The following RFX7 variants were observed in gnomAD, a reference collection of about 807,000 sequenced individuals.
RFX7 encodes the protein DNA-binding protein RFX7.
Under a neutral mutation model 111.8 loss-of-function variants are expected in RFX7, and 26 were observed. The observed-to-expected ratio is 0.23, with a 90% confidence interval of 0.17 to 0.32. The LOEUF (loss-of-function observed/expected upper bound fraction) is 0.32, where lower values mean the gene tolerates loss of function less well. Ranked by LOEUF, RFX7 falls within the 10% of genes least tolerant of loss-of-function variation. The probability of loss-of-function intolerance (pLI) is 1.00; values close to 1 mark genes in which losing one functional copy is unlikely to be tolerated. For synonymous variants in RFX7, 624 were observed against 624.4 expected, an observed-to-expected ratio of 1.00 and a Z score of 0.01; for missense variants, 1,573 against 1,772.9, an observed-to-expected ratio of 0.89 and a Z score of 2.02.
intron 2 of RFX7, among the ~76,000 whole-genome samples, chr15:56,241,590 A>AAC (rs1369360718): frequency 1.6e-4 from 24 of 152,152 alleles, no homozygotes; most frequent in Admixed American, 7.2e-4. Context: ...AGAGGTTAAA[A>AAC]ACACACACAC....
Position 56,093,333 on chromosome 15 carries a change from A to G in RFX7, c.*12T>C. ...CTTTAGATACAGTGTGCTACATGTT[A>G]TAAAACACAATTTAACCCAACATTT... On this transcript the variant is annotated 3_prime_UTR_variant, in exon 10 of 10. Coordinates refer to ENST00000559447, the MANE Select transcript of RFX7 (RefSeq NM_022841.7). 6.3e-7 allele frequency: 1 copy of G among 1,590,676 alleles called. No homozygotes were observed. The highest frequency in any genetic ancestry group is 8.6e-7 in the Non-Finnish European group (1 of 1,168,736).
At chr15:56,152,348 A>G (rs535215686) in intron 3 of RFX7, among the ~76,000 whole-genome samples, 2 of 152,322 alleles carry the variant, frequency 1.3e-5, no homozygotes, top group South Asian at 2.1e-4. Context: ...ATCATAACAT[A>G]TAGTCTCCCA....
intron 5 of RFX7, among the ~76,000 whole-genome samples, chr15:56,111,134 CG>C (rs2041924254): frequency 7.1e-6 from 1 of 141,672 alleles, no homozygotes; most frequent in African/African-American, 2.6e-5. Context: ...GCCACCACCC[CG>C]TCTGGGAGGT....
At chr15:56,169,560 A>G (rs1331222350) in intron 3 of RFX7, among the ~76,000 whole-genome samples, 1 of 152,182 alleles carries the variant, frequency 6.6e-6, no homozygotes, top group Non-Finnish European at 1.5e-5. Flanking sequence ...AATAGGTACT[A>G]TTATCCTTCT....
rs536725294 is a variant in RFX7 at position 56,138,398 on chromosome 15, T to C, written c.401+4380A>G. ...CCTTCTTTGTCTCTTTTGATCTTTG[T>C]TGGTTTAAAGTCTGTTTTATCAGAG... On this transcript the variant is annotated intron_variant, in intron 5 of 9. Transcript: ENST00000559447. 1.5e-3 allele frequency among the ~76,000 whole-genome samples: 224 copies of C among 150,840 alleles called. 2 individuals carry two copies. The highest frequency in any genetic ancestry group is 5.2e-3 in the African/African-American group (215 of 41,148).
At chr15:56,187,742 G>A (rs1401517658) in intron 2 of RFX7, among the ~76,000 whole-genome samples, 25 of 152,166 alleles carry the variant, frequency 1.6e-4, no homozygotes, top group African/African-American at 6.0e-4. Context: ...GCTGGAAGGT[G>A]GAAGGATTTG....
intron 5 of RFX7, among the ~76,000 whole-genome samples, chr15:56,141,970 CA>C (rs2042405930): frequency 6.6e-6 from 1 of 152,014 alleles, no homozygotes; most frequent in South Asian, 2.1e-4. Context: ...CCAATAATCT[CA>C]ATAAGTACAA....
chr15:56,243,048 C>A, intron 2 of RFX7, 77 bp downstream of exon 2: 2 of 643,656 alleles, frequency 3.1e-6, no homozygotes, highest in East Asian at 1.3e-4. Flanking sequence ...CCGCTCCCCC[C>A]GCCCGCCGCC....
At chr15:56,150,044 CG>C (rs377545008) in intron 3 of RFX7, among the ~76,000 whole-genome samples, 36 of 41,740 alleles carry the variant, frequency 8.6e-4, no homozygotes, top group Middle Eastern at 0.011. Context: ...CGGGGTGGGG[CG>C]GGGGGGTCGG....
At chr15:56,218,004 G>GA (rs541647545) in intron 2 of RFX7, among the ~76,000 whole-genome samples, 29 of 151,180 alleles carry the variant, frequency 1.9e-4, no homozygotes, top group Non-Finnish European at 3.4e-4. Context: ...CACTCAGGGG[G>GA]AAAAAAAAGA....
Position 56,093,975 on chromosome 15 carries a change from A to G in RFX7, c.3753T>C (p.Asn1251=), listed in dbSNP as rs2041634433. The G allele has an allele frequency of 2.5e-6, 4 of 1,613,898 alleles. No homozygotes were observed. The highest frequency in any genetic ancestry group is 3.4e-6 in the Non-Finnish European group (4 of 1,179,866). Residue 1251 remains asparagine, a synonymous_variant, in exon 10 of 10, where the codon AAT becomes AAC. Coordinates refer to ENST00000559447, the MANE Select transcript of RFX7 (RefSeq NM_022841.7). The part of the protein sequence containing the change: ...QKQANSKKIT[N]VLLSKLDSDN... Reference sequence around the variant, plus strand: ...CGGAATCAAGTTTACTCAACAAAACATTGGTTATTTTTTTACTGTTTGCTT... The same window carrying G: ...CGGAATCAAGTTTACTCAACAAAACGTTGGTTATTTTTTTACTGTTTGCTT...
intron 4 of RFX7, among the ~76,000 whole-genome samples, chr15:56,143,636 C>T (rs970533164): frequency 1.3e-5 from 2 of 152,076 alleles, no homozygotes; most frequent in African/African-American, 4.8e-5. Context: ...TCCATCTCAG[C>T]TATCTGTAAG....
chr15:56,184,664 C>A (rs1243654830), intron 2 of RFX7, among the ~76,000 whole-genome samples: 4 of 152,184 alleles, frequency 2.6e-5, no homozygotes, highest in African/African-American at 4.8e-5. Flanking sequence ...GTTCTCTCTG[C>A]CAAGGAACAC....
At position 56,095,697 on chromosome 15, in the gene RFX7, C is replaced by T; in HGVS notation, c.2031G>A (p.Val677=). The T allele has an allele frequency of 7.4e-6, 12 of 1,613,954 alleles. No individual in the cohort carries two copies. The highest frequency in any genetic ancestry group is 9.3e-6 in the Non-Finnish European group (11 of 1,179,872). Reference sequence around the variant, plus strand: ...CTATGGTAGCTGCTGAAAGCTGTTCCACAATTGGTTTCTTTACAGGAGGCA... The same window carrying T: ...CTATGGTAGCTGCTGAAAGCTGTTCTACAATTGGTTTCTTTACAGGAGGCA... ...TQVPPVKKPI[V]EQLSAATIEG... is the part of the protein sequence containing the mutation. The change falls in exon 10 of 10, where the codon GTG becomes GTA. Residue 677 remains valine, a synonymous_variant. Transcript: ENST00000559447.
intron 3 of RFX7, among the ~76,000 whole-genome samples, chr15:56,172,839 C>T (rs2042860339): frequency 6.6e-6 from 1 of 152,038 alleles, no homozygotes; most frequent in Non-Finnish European, 1.5e-5. Context: ...TTATTGAATC[C>T]TTAAAATAGC....
At chr15:56,181,729 T>G (rs1346434499) in intron 2 of RFX7, among the ~76,000 whole-genome samples, 2 of 152,210 alleles carry the variant, frequency 1.3e-5, no homozygotes, top group Non-Finnish European at 2.9e-5. Flanking sequence ...AACTGACTAC[T>G]CTATGGGATT....
intron 2 of RFX7, among the ~76,000 whole-genome samples, chr15:56,231,423 A>C (rs548323440): frequency 3.3e-5 from 5 of 152,330 alleles, no homozygotes; most frequent in Non-Finnish European, 7.3e-5. Context: ...AGACAAGAGA[A>C]GATGAGAGTC....
intron 5 of RFX7, among the ~76,000 whole-genome samples, chr15:56,121,619 C>T (rs563944161): frequency 9.3e-4 from 141 of 152,250 alleles, no homozygotes; most frequent in Admixed American, 1.6e-3. Context: ...ACTTTCTATT[C>T]CTATCTCTCT....
intron 2 of RFX7, among the ~76,000 whole-genome samples, chr15:56,229,453 G>A (rs1188106779): frequency 1.3e-5 from 2 of 152,134 alleles, no homozygotes; most frequent in East Asian, 1.9e-4. Context: ...TTTTAGTAGA[G>A]ACGGGGTTTC....
Sources: gnomAD v4.1 joint callset for allele counts (sites outside exome capture counted in the v4.1 genomes callset) on GRCh38, gnomAD v4.1.1 for gene constraint, MANE v1.5 for transcripts, NCBI Gene and HGNC (gene_info 2026-07-23, HGNC 2026-07-21) for gene names.